RPL24: variants seen among roughly 807,000 people sequenced by gnomAD.
RPL24 encodes ribosomal protein L24.
A neutral mutation model predicts 26.4 loss-of-function variants in RPL24; 7 were observed. The observed-to-expected ratio is 0.27, with a 90% CI of 0.15 to 0.50. The LOEUF (loss-of-function observed/expected upper bound fraction) is 0.50, where lower values mean the gene tolerates loss of function less well. Ranked by LOEUF, RPL24 falls within the 20% of genes least tolerant of loss-of-function variation. The pLI is 0.98. For missense variants in RPL24, 109 were observed against 194.9 expected (o/e 0.56, Z 2.62); for synonymous variants, 67 against 65.2 (o/e 1.03, Z -0.13).
In RPL24 at chr3:101,685,393, G is replaced by A. The variant is rs117468907; in HGVS notation, c.192+425C>T. Among the ~76,000 whole-genome samples the A allele has an allele frequency of 3.2e-4, 48 of 152,226 alleles. 1 individual carries two copies. The East Asian group carries it at 9.1e-3, about 29-fold the overall frequency. Reference sequence around the variant, plus strand: ...CAAACTTTTTCTCATGTATAACCCAGCTAAAAGGACACTTAACAAGGACCA... The same window carrying A: ...CAAACTTTTTCTCATGTATAACCCAACTAAAAGGACACTTAACAAGGACCA... On this transcript the variant is annotated intron_variant, in intron 3 of 5. Transcript: ENST00000394077.
rs540560401 is a variant in RPL24 at position 101,686,371 on chromosome 3, G to A, written c.81+111C>T. The A allele has an allele frequency of 5.9e-5, 49 of 835,618 alleles. No individual in the cohort carries two copies. In the Middle Eastern group the frequency reaches 1.0e-3, roughly 18 times the overall value. The allele number at this position is 835,618 out of a possible 1,614,324, so 51.8% of individuals were successfully genotyped here. On this transcript the variant is annotated intron_variant, in intron 2 of 5. Coordinates refer to ENST00000394077, the MANE Select transcript of RPL24 (RefSeq NM_000986.4). ...GACCAGTCCACAGAGCGTCCACGAA[G>A]ACTTCCAGAGGCCAGTGGTGATGTG... is the stretch of plus-strand genomic sequence containing the variant.
intron 3 of RPL24, among the ~76,000 whole-genome samples, chr3:101,683,431 G>T (rs1180180737): frequency 6.6e-6 from 1 of 152,112 alleles, no homozygotes; most frequent in Admixed American, 6.6e-5. Flanking sequence ...CAAGAACAAA[G>T]TATATTCGAA....
chr3:101,683,663 T>C (rs906282788), intron 3 of RPL24, among the ~76,000 whole-genome samples: 3 of 151,982 alleles, frequency 2.0e-5, no homozygotes, highest in Non-Finnish European at 2.9e-5. Context: ...TTTATTGTGG[T>C]AAAAATGTAA....
rs57278210 is a variant in RPL24 at position 101,684,776 on chromosome 3, C to CAAAAAAAAAAAAAAA, written c.192+1027_192+1041dup. On this transcript the variant is annotated intron_variant, in intron 3 of 5. Coordinates refer to ENST00000394077, the MANE Select transcript of RPL24 (RefSeq NM_000986.4). ...CTGAGCAACAGAGGACCTGTCTCCCCAAAAAAAAAAAAAAAAAAAAAAAAA... is the reference window on the plus strand; with the variant it reads ...CTGAGCAACAGAGGACCTGTCTCCCCAAAAAAAAAAAAAAAAAAAAAAAAAAAAAAAAAAAAAAAA... Among the ~76,000 whole-genome samples, 112 of 53,206 alleles carry CAAAAAAAAAAAAAAA rather than the reference C, an allele frequency of 2.1e-3. 14 individuals carry two copies. The highest frequency in any genetic ancestry group is 2.1e-3 in the South Asian group (2 of 956). 34.9% of individuals were successfully genotyped at this position (53,206 alleles called of 152,430 possible).
chr3:101,682,418 C>T lies in RPL24; in HGVS notation c.393+11G>A. 16 of 1,607,368 alleles carry T rather than the reference C, an allele frequency of 1.0e-5. No individual in the cohort carries two copies. Among genetic ancestry groups the T allele is most frequent in the Non-Finnish European group, 1.4e-5 (16 of 1,173,892 alleles). On this transcript the variant is annotated intron_variant, in intron 5 of 5. Coordinates refer to ENST00000394077, the MANE Select transcript of RPL24 (RefSeq NM_000986.4). ...GTATTGTTCAAGAAAGTAAAGAAAC[C>T]CCATAATTACCTTAGCAGCAGCCAT...
At position 101,682,542 on chromosome 3, in the gene RPL24, A is replaced by G. The variant is rs1052483313; in HGVS notation, c.330-50T>C. ...CAAAAGCACTTTACTCCTTAGTGGTACAACTTATTATTAGAGTTAGACTGT... is the reference window on the plus strand; with the variant it reads ...CAAAAGCACTTTACTCCTTAGTGGTGCAACTTATTATTAGAGTTAGACTGT... On this transcript the variant is annotated intron_variant, in intron 4 of 5. Transcript: ENST00000394077. 2.8e-6 allele frequency: 4 copies of G among 1,441,698 alleles called. No homozygotes were observed. The African/African-American group carries it at 4.2e-5, about 15-fold the overall frequency. 89.3% of individuals were successfully genotyped at this position (1,441,698 alleles called of 1,614,324 possible).
At chr3:101,682,959 G>C (rs773759036) in intron 3 of RPL24, 52 bp from the exon 4 acceptor site, 27 of 1,547,654 alleles carry the variant, frequency 1.7e-5, no homozygotes, top group Non-Finnish European at 4.4e-6. Flanking sequence ...CAAGAATTTA[G>C]AGGGAGGAAA....
intron 3 of RPL24, among the ~76,000 whole-genome samples, chr3:101,684,792 A>C (rs1937312050): frequency 1.4e-5 from 2 of 145,926 alleles, no homozygotes; most frequent in African/African-American, 2.5e-5. Flanking sequence ...AAAAAAAAAA[A>C]AAAAAAAAAA....
chr3:101,686,677 G>T lies in RPL24; in HGVS notation c.-1C>A. On this transcript the variant is annotated 5_prime_UTR_variant, in exon 1 of 6. Coordinates refer to ENST00000394077, the MANE Select transcript of RPL24 (RefSeq NM_000986.4). ...GAACCACGGGTCGTGCTTACTTCAT[G>T]GCGACAGCTCCACGGAAAGACAAAA... is the stretch of plus-strand genomic sequence containing the variant. The T allele has an allele frequency of 6.2e-7, 1 of 1,614,240 alleles. No individual in the cohort carries two copies. Among genetic ancestry groups the T allele is most frequent in the East Asian group, 2.2e-5 (1 of 44,884 alleles).
chr3:101,684,003 T>C (rs1937297747), intron 3 of RPL24, among the ~76,000 whole-genome samples: 2 of 151,964 alleles, frequency 1.3e-5, no homozygotes. Context: ...TGAGCCACCA[T>C]CCCCAGCCTG....
Position 101,685,876 on chromosome 3 carries a change from T to C in RPL24, c.134A>G (p.Asn45Ser), listed in dbSNP as rs1401716707. The C allele has an allele frequency of 3.7e-6, 6 of 1,614,106 alleles. No individual in the cohort carries two copies. Among genetic ancestry groups the C allele is most frequent in the Non-Finnish European group, 5.1e-6 (6 of 1,179,946 alleles). ...KCESAFLSKR[N>S]PRQINWTVLY... ...GACAGTCCAGTTTATCTGCCGAGGATTCCTCTTGGAAAGGAAAGCCGACTC... is the reference window on the plus strand; with the variant it reads ...GACAGTCCAGTTTATCTGCCGAGGACTCCTCTTGGAAAGGAAAGCCGACTC... The change falls in exon 3 of 6, where the codon AAT becomes AGT. Residue 45 changes from asparagine to serine, a missense_variant. Coordinates refer to ENST00000394077, the MANE Select transcript of RPL24 (RefSeq NM_000986.4).
chr3:101,686,698 C>A lies in RPL24; in HGVS notation c.-22G>T. ...TCATGGCGACAGCTCCACGGAAAGA[C>A]AAAAGATGGCGAAAAGAAAGAGAGA... On this transcript the variant is annotated 5_prime_UTR_variant, in exon 1 of 6. Coordinates refer to ENST00000394077, the MANE Select transcript of RPL24 (RefSeq NM_000986.4). 1.2e-6 allele frequency: 2 copies of A among 1,614,166 alleles called. No homozygotes were observed. Among genetic ancestry groups the A allele is most frequent in the Non-Finnish European group, 1.7e-6 (2 of 1,180,026 alleles).
chr3:101,681,230 C>G lies in RPL24; in HGVS notation c.394-15G>C. On this transcript the variant is annotated splice_polypyrimidine_tract_variant and intron_variant, in intron 5 of 5. Coordinates refer to ENST00000394077, the MANE Select transcript of RPL24 (RefSeq NM_000986.4). ...TTTGTAGGTGCCTGTAAAAAGATAA[C>G]ACAATATTACTCCACAAAACTTTTG... 1 of 1,586,530 alleles carries G rather than the reference C, an allele frequency of 6.3e-7. No individual in the cohort carries two copies. Among genetic ancestry groups the G allele is most frequent in the Non-Finnish European group, 8.7e-7 (1 of 1,155,152 alleles).
At chr3:101,683,690 C>A (rs1937290613) in intron 3 of RPL24, among the ~76,000 whole-genome samples, 1 of 148,530 alleles carries the variant, frequency 6.7e-6, no homozygotes, top group South Asian at 2.1e-4. Flanking sequence ...CAATTTTAAC[C>A]TTTTGGTTTT....
intron 3 of RPL24, among the ~76,000 whole-genome samples, chr3:101,685,510 G>T (rs1390547642): frequency 6.6e-6 from 1 of 152,132 alleles, no homozygotes; most frequent in Admixed American, 6.5e-5. Flanking sequence ...TGTAAATATT[G>T]CAATCAAAAC....
At chr3:101,681,538 A>G (rs1260396565) in intron 5 of RPL24, 1 of 245,962 alleles carries the variant, frequency 4.1e-6, no homozygotes, top group African/African-American at 2.3e-5. Flanking sequence ...TCTCAATGTT[A>G]TCAATGTAGA....
intron 2 of RPL24, 174 bp from the exon 3 acceptor site, chr3:101,686,102 A>G: frequency 1.7e-6 from 1 of 591,474 alleles, no homozygotes; most frequent in Non-Finnish European, 3.0e-6. Context: ...GTGTCACACT[A>G]TGAAGGTCCT....
Position 101,686,576 on chromosome 3 carries a change from G to C in RPL24, c.6-19C>G, listed in dbSNP as rs1015986051. 19 of 1,614,036 alleles carry C rather than the reference G, an allele frequency of 1.2e-5. No individual in the cohort carries two copies. Among genetic ancestry groups the C allele is most frequent in the Non-Finnish European group, 1.5e-5 (18 of 1,179,976 alleles). On this transcript the variant is annotated intron_variant, in intron 1 of 5. Transcript: ENST00000394077. ...CTCGACCCTGCAACAAAAAGTGAAA[G>C]TCCATCAGGGAGGGTGTCTACAGCC...
intron 3 of RPL24, among the ~76,000 whole-genome samples, chr3:101,683,707 CTTTTTTT>C (rs541871888): frequency 7.6e-6 from 1 of 130,872 alleles, no homozygotes; most frequent in Non-Finnish European, 1.6e-5. Context: ...TTTTTCTTTT[CTTTTTTT>C]TTTTTTTTTT....
Sources: allele counts gnomAD v4.1 joint callset (sites outside exome capture counted in the v4.1 genomes callset), GRCh38; gene constraint gnomAD v4.1.1; transcripts MANE v1.5; gene names NCBI Gene and HGNC (gene_info 2026-07-23, HGNC 2026-07-21).